Variants in INPP4B observed in about 807,000 individuals in gnomAD.
INPP4B encodes inositol polyphosphate-4-phosphatase type II B, also known as inositol polyphosphate 4-phosphatase type II.
In INPP4B, 55 loss-of-function variants were observed where a neutral mutation model predicts 122.5. That is an observed-to-expected ratio of 0.45 (90% CI 0.36 to 0.56). INPP4B has a LOEUF of 0.56. INPP4B is among the 20% of genes least tolerant of loss of function. The pLI, the probability that INPP4B is intolerant of heterozygous loss-of-function variation, is 0.00. For missense variants in INPP4B, 1,000 were observed against 1,097.7 expected (o/e 0.91, Z 1.26); for synonymous variants, 403 against 388.7 (o/e 1.04, Z -0.43).
chr4:142,177,989 C>T (rs1236094002), intron 15 of INPP4B, among the ~76,000 whole-genome samples: 1 of 152,086 alleles, frequency 6.6e-6, no homozygotes, highest in African/African-American at 2.4e-5. Context: ...GGTTTAAATA[C>T]ACATGTTGCA....
chr4:142,338,403 T>A (rs887595858), intron 7 of INPP4B, among the ~76,000 whole-genome samples: 8 of 126,302 alleles, frequency 6.3e-5, no homozygotes, highest in Non-Finnish European at 1.1e-4. Context: ...ACTTAGCTAA[T>A]TTTTTTTTGT....
intron 9 of INPP4B, among the ~76,000 whole-genome samples, chr4:142,291,212 C>T (rs896287698): frequency 6.6e-6 from 1 of 152,164 alleles, no homozygotes; most frequent in Non-Finnish European, 1.5e-5. Context: ...GCAAAAATTA[C>T]TTCCTTCCTC....
At chr4:142,358,458 ACTT>A (rs1784331608) in intron 7 of INPP4B, among the ~76,000 whole-genome samples, 1 of 151,834 alleles carries the variant, frequency 6.6e-6, no homozygotes, top group Admixed American at 6.6e-5. Flanking sequence ...TAGATTGCAA[ACTT>A]CTTAATTTCT....
intron 8 of INPP4B, among the ~76,000 whole-genome samples, chr4:142,309,818 T>C (rs764649852): frequency 9.9e-5 from 15 of 152,194 alleles, no homozygotes; most frequent in Non-Finnish European, 1.8e-4. Flanking sequence ...TCCATCACTC[T>C]CACCTAGCTG....
rs1399964251 is a variant in INPP4B at position 142,083,493 on chromosome 4, A to G, written c.2488-1308T>C. 4.6e-5 allele frequency among the ~76,000 whole-genome samples: 7 copies of G among 152,328 alleles called. No individual in the cohort carries two copies. In the East Asian group the frequency reaches 1.4e-3, roughly 29 times the overall value. On this transcript the variant is annotated intron_variant, in intron 24 of 25. Transcript: ENST00000262992. ...AACAATAATCAACTTCGGCATTACA[A>G]TGCTAATCAGTGTGCATTTAAAATA...
At position 142,712,203 on chromosome 4, in the gene INPP4B, T is replaced by C. The variant is rs141285890; in HGVS notation, c.-191+13636A>G. Among the ~76,000 whole-genome samples, 629 of 152,324 alleles carry C rather than the reference T, an allele frequency of 4.1e-3. 6 individuals are homozygous for C. The highest frequency in any genetic ancestry group is 0.014 in the African/African-American group (602 of 41,564). On this transcript the variant is annotated intron_variant, in intron 2 of 25. Coordinates refer to ENST00000262992, the MANE Select transcript of INPP4B (RefSeq NM_001101669.3). ...TCTTGGACTTCCCAGCTTCTAGAATTGTTAGAAATAAGTTTCTATTGTTTA... is the reference window on the plus strand; with the variant it reads ...TCTTGGACTTCCCAGCTTCTAGAATCGTTAGAAATAAGTTTCTATTGTTTA...
In INPP4B at chr4:142,806,759, AG is replaced by A. The variant is rs1561090756; in HGVS notation, c.-254+39449del. 3.8e-3 allele frequency among the ~76,000 whole-genome samples: 447 copies of A among 118,084 alleles called. 5 individuals are homozygous for A. The highest frequency in any genetic ancestry group is 0.015 in the African/African-American group (404 of 27,694). 77.5% of individuals were successfully genotyped at this position (118,084 alleles called of 152,430 possible). On this transcript the variant is annotated intron_variant, in intron 1 of 25. Coordinates refer to ENST00000262992, the MANE Select transcript of INPP4B (RefSeq NM_001101669.3). ...ACCCTGTTAAAAAAAAAGAAGAAGAAGAAAGAAGAAAGAAAGAAAGAAAGAA... is the reference window on the plus strand; with the variant it reads ...ACCCTGTTAAAAAAAAAGAAGAAGAAAAAGAAGAAAGAAAGAAAGAAAGAA...
At chr4:142,102,784 TC>T (rs1323230238) in intron 23 of INPP4B, among the ~76,000 whole-genome samples, 1 of 152,036 alleles carries the variant, frequency 6.6e-6, no homozygotes, top group Non-Finnish European at 1.5e-5. Context: ...CTGGCTAGTC[TC>T]AGGGGGCCTC....
At chr4:142,683,385 A>G (rs1758908699) in intron 2 of INPP4B, among the ~76,000 whole-genome samples, 1 of 151,860 alleles carries the variant, frequency 6.6e-6, no homozygotes, top group South Asian at 2.1e-4. Context: ...CAAAATGAGC[A>G]TGGTCATTTA....
intron 9 of INPP4B, among the ~76,000 whole-genome samples, chr4:142,276,268 T>A (rs1748352369): frequency 6.6e-6 from 1 of 151,912 alleles, no homozygotes; most frequent in Non-Finnish European, 1.5e-5. Context: ...CTACTTTCAC[T>A]ATTTTATTTT....
intron 7 of INPP4B, among the ~76,000 whole-genome samples, chr4:142,361,194 T>C (rs1370462071): frequency 6.6e-6 from 1 of 151,998 alleles, no homozygotes; most frequent in Admixed American, 6.6e-5. Context: ...TGTGATCATT[T>C]AGAAGTACAA....
rs988480875 is a variant in INPP4B at position 142,081,786 on chromosome 4, C to T, written c.2642+245G>A. Among the ~76,000 whole-genome samples the T allele has an allele frequency of 4.6e-5, 7 of 151,680 alleles. No homozygotes were observed. The South Asian group carries it at 8.3e-4, about 18-fold the overall frequency. ...ATGTCATCAAATGTGTACACAGCCA[C>T]GTTTTCTAAAAGTGAAAAGTTTAGA... is the stretch of plus-strand genomic sequence containing the variant. On this transcript the variant is annotated intron_variant, in intron 25 of 25. Transcript: ENST00000262992.
At chr4:142,842,614 A>C (rs1164360476) in intron 1 of INPP4B, among the ~76,000 whole-genome samples, 1 of 136,502 alleles carries the variant, frequency 7.3e-6, no homozygotes, top group Non-Finnish European at 1.5e-5. Context: ...TATAATATAT[A>C]ATATATTTAT....
At chr4:142,509,647 G>C (rs193072023) in intron 2 of INPP4B, among the ~76,000 whole-genome samples, 41 of 152,226 alleles carry the variant, frequency 2.7e-4, no homozygotes, top group Non-Finnish European at 4.0e-4. Flanking sequence ...AACTGAAACT[G>C]ATCCCCTTCC....
chr4:142,503,492 A>G (rs1823641729), intron 2 of INPP4B, among the ~76,000 whole-genome samples: 1 of 152,182 alleles, frequency 6.6e-6, no homozygotes, highest in African/African-American at 2.4e-5. Context: ...ACAAAACCAT[A>G]CAATTGTATT....
At chr4:142,813,426 G>A (rs970322704) in intron 1 of INPP4B, among the ~76,000 whole-genome samples, 90 of 152,112 alleles carry the variant, frequency 5.9e-4, no homozygotes, top group African/African-American at 2.1e-3. Flanking sequence ...GAGTTTACTT[G>A]TAGGAGTCAG....
intron 5 of INPP4B, among the ~76,000 whole-genome samples, chr4:142,415,285 T>A (rs1162009642): frequency 6.6e-6 from 1 of 151,892 alleles, no homozygotes; most frequent in South Asian, 2.1e-4. Context: ...ACAGGAAGGG[T>A]GGCAGGAAAG....
chr4:142,128,626 A>G (rs999242675), intron 18 of INPP4B, among the ~76,000 whole-genome samples: 1 of 152,188 alleles, frequency 6.6e-6, no homozygotes, highest in Non-Finnish European at 1.5e-5. Flanking sequence ...GGGAAAACAT[A>G]AAATGCATGT....
intron 23 of INPP4B, among the ~76,000 whole-genome samples, chr4:142,097,929 C>G (rs577166677): frequency 5.3e-5 from 8 of 152,126 alleles, no homozygotes; most frequent in Non-Finnish European, 1.2e-4. Flanking sequence ...GCTAGTCCTC[C>G]TGGAGCTTAC....
Sources: gnomAD v4.1 joint callset for allele counts (sites outside exome capture counted in the v4.1 genomes callset) on GRCh38, gnomAD v4.1.1 for gene constraint, MANE v1.5 for transcripts, NCBI Gene and HGNC (gene_info 2026-07-23, HGNC 2026-07-21) for gene names.